Variants in KCNQ3 observed in about 807,000 individuals in gnomAD.
KCNQ3 encodes potassium voltage-gated channel subfamily KQT member 3.
In KCNQ3, 30 loss-of-function variants were observed where a neutral mutation model predicts 92.5. The ratio of observed to expected loss-of-function variants is 0.32; its 90% CI spans 0.24 to 0.44. The LOEUF (loss-of-function observed/expected upper bound fraction) is 0.44. Among genes scored for constraint, KCNQ3 ranks in the 20% least tolerant of loss-of-function variants. The pLI, the probability that KCNQ3 is intolerant of heterozygous loss-of-function variation, is 1.00. For missense variants in KCNQ3, 913 were observed against 1,140.3 expected (o/e 0.80, Z 2.87); for synonymous variants, 450 against 468.8 (o/e 0.96, Z 0.52).
In KCNQ3 at chr8:132,140,171, C is replaced by A. The variant is rs1408741174; in HGVS notation, c.1473G>T (p.Gly491=). The A allele has an allele frequency of 1.2e-6, 2 of 1,613,042 alleles. No homozygotes were observed. Among genetic ancestry groups the A allele is most frequent in the Non-Finnish European group, 1.7e-6 (2 of 1,179,534 alleles). Residue 491 remains glycine (G), a synonymous_variant, in exon 11 of 15, where the codon GGG becomes GGT. Coordinates refer to ENST00000388996, the MANE Select transcript of KCNQ3 (RefSeq NM_004519.4). ...YAFWQSSEDA[G]TGDPMAEDRG... ...TGTCTTCCGCCATGGGGTCACCTGT[C>A]CCGGCATCTGGGAGGGAGACACACA... is the stretch of plus-strand genomic sequence containing the variant.
At chr8:132,282,799 G>T (rs577582426) in intron 1 of KCNQ3, among the ~76,000 whole-genome samples, 1 of 152,340 alleles carries the variant, frequency 6.6e-6, no homozygotes, top group Non-Finnish European at 1.5e-5. Context: ...CCTCTGCTTA[G>T]CAGGGTTGCC....
chr8:132,250,904 T>C (rs1280882118), intron 1 of KCNQ3, among the ~76,000 whole-genome samples: 7 of 152,204 alleles, frequency 4.6e-5, no homozygotes, highest in Non-Finnish European at 1.0e-4. Context: ...GAAGTGCAGT[T>C]CATCAACTCT....
intron 1 of KCNQ3, among the ~76,000 whole-genome samples, chr8:132,191,958 TAAG>T (rs538524117): frequency 2.6e-3 from 394 of 152,224 alleles, no homozygotes; most frequent in Non-Finnish European, 4.6e-3. Flanking sequence ...ACCGCGAAGA[TAAG>T]AAGCTACTTG....
chr8:132,463,557 T>C (rs1587045569), intron 1 of KCNQ3, among the ~76,000 whole-genome samples: 2 of 152,228 alleles, frequency 1.3e-5, no homozygotes. Context: ...TCTAATATGA[T>C]TGCAAAAACT....
Position 132,129,719 on chromosome 8 carries a change from G to A in KCNQ3, c.2162C>T (p.Pro721Leu). The A allele has an allele frequency of 1.2e-6, 2 of 1,614,162 alleles. No homozygotes were observed. Among genetic ancestry groups the A allele is most frequent in the South Asian group, 1.1e-5 (1 of 91,070 alleles). Residue 721 changes from proline to leucine, a missense_variant, in exon 15 of 15, where the codon CCC becomes CTC. Pro to Leu is a moderately conservative substitution (Grantham distance 98). Around this residue, in one of 6 missense-constraint regions of KCNQ3, gnomAD observed 375 missense variants for 376.4 expected, o/e 1.00. Transcript: ENST00000388996. The surrounding 1 kb of genome is among the most constrained non-coding windows in gnomAD (Gnocchi z 5.9). ...CTTTCCAGAACTGGGTCCCCCTCGG[G>A]GCAGGTTCACAGGGTCATGTGCAAA... ...GFFAHDPVNLPRGGPSSGKVQ... is the reference protein window; with the variant it reads ...GFFAHDPVNLLRGGPSSGKVQ...
chr8:132,314,478 C>T (rs1344735043), intron 1 of KCNQ3, among the ~76,000 whole-genome samples: 2 of 152,130 alleles, frequency 1.3e-5, no homozygotes, highest in Admixed American at 1.3e-4. Context: ...TTCTAAAATA[C>T]AACTGAATAT....
chr8:132,213,357 C>A (rs910061059), intron 1 of KCNQ3, among the ~76,000 whole-genome samples: 1 of 152,172 alleles, frequency 6.6e-6, no homozygotes, highest in Non-Finnish European at 1.5e-5. Flanking sequence ...AATTGCTTCC[C>A]CTTTCTTTAC....
chr8:132,245,354 C>G (rs1372060786), intron 1 of KCNQ3, among the ~76,000 whole-genome samples: 1 of 152,168 alleles, frequency 6.6e-6, no homozygotes, highest in African/African-American at 2.4e-5. Flanking sequence ...TTCTGCAAAA[C>G]TCCTATCTAT....
intron 1 of KCNQ3, among the ~76,000 whole-genome samples, chr8:132,199,887 G>A (rs1827407425): frequency 6.7e-6 from 1 of 149,724 alleles, no homozygotes; most frequent in Admixed American, 6.6e-5. Flanking sequence ...TCCAGCCTGG[G>A]TGACAGAGCA....
rs118077481 is a variant in KCNQ3, at chr8:132,318,432, T to G, written c.387-132251A>C. Among the ~76,000 whole-genome samples, 690 of 152,246 alleles carry G rather than the reference T, an allele frequency of 4.5e-3. 9 individuals are homozygous for G. Among genetic ancestry groups the G allele is most frequent in the East Asian group, 0.037 (192 of 5,158 alleles). On this transcript the variant is annotated intron_variant, in intron 1 of 14. Coordinates refer to ENST00000388996, the MANE Select transcript of KCNQ3 (RefSeq NM_004519.4). ...GGGATTCAAACTCTCACAGAGGGAA[T>G]CTGTTTGTAAGACTTTGTGATTAAA...
chr8:132,402,200 C>T (rs943852593), intron 1 of KCNQ3, among the ~76,000 whole-genome samples: 1 of 152,162 alleles, frequency 6.6e-6, no homozygotes, highest in Admixed American at 6.6e-5. Flanking sequence ...TTCCATCTTG[C>T]TCTTATTTCT....
At chr8:132,243,207 A>G (rs1255498474) in intron 1 of KCNQ3, among the ~76,000 whole-genome samples, 2 of 152,248 alleles carry the variant, frequency 1.3e-5, no homozygotes, top group Non-Finnish European at 2.9e-5. Context: ...CAGATGAGCA[A>G]CTGGAGGCTT....
chr8:132,226,374 T>C (rs546541576), intron 1 of KCNQ3, among the ~76,000 whole-genome samples: 23 of 152,022 alleles, frequency 1.5e-4, no homozygotes, highest in African/African-American at 4.1e-4. Context: ...CCCCTGCTGA[T>C]GGAAAAAGGT....
At chr8:132,236,105 G>A (rs918787478) in intron 1 of KCNQ3, among the ~76,000 whole-genome samples, 1 of 152,184 alleles carries the variant, frequency 6.6e-6, no homozygotes, top group Non-Finnish European at 1.5e-5. Context: ...ATACCAGCAT[G>A]GCAGTGGGAC....
intron 1 of KCNQ3, among the ~76,000 whole-genome samples, chr8:132,388,038 AGAG>A (rs200155223): frequency 2.0e-5 from 3 of 151,216 alleles, no homozygotes; most frequent in Non-Finnish European, 3.0e-5. Flanking sequence ...AAGAAGAGGA[AGAG>A]GAAGAAGAAG....
At chr8:132,165,157 C>T (rs1282164307) in intron 8 of KCNQ3, among the ~76,000 whole-genome samples, 1 of 152,208 alleles carries the variant, frequency 6.6e-6, no homozygotes, top group Non-Finnish European at 1.5e-5. Context: ...CTCATTTCCT[C>T]ATCACCCTTC....
At chr8:132,179,957 G>T (rs1193943438) in intron 4 of KCNQ3, among the ~76,000 whole-genome samples, 200 bp downstream of exon 4, 1 of 152,104 alleles carries the variant, frequency 6.6e-6, no homozygotes, top group Non-Finnish European at 1.5e-5. Context: ...ACCTGTTCCT[G>T]CTCCCTGAAC....
At chr8:132,249,879 C>A (rs1436201690) in intron 1 of KCNQ3, among the ~76,000 whole-genome samples, 1 of 152,184 alleles carries the variant, frequency 6.6e-6, no homozygotes, top group Non-Finnish European at 1.5e-5. Context: ...CCAGTGCACC[C>A]TCCGCAGCTC....
At chr8:132,214,038 A>G (rs1451998427) in intron 1 of KCNQ3, among the ~76,000 whole-genome samples, 1 of 152,162 alleles carries the variant, frequency 6.6e-6, no homozygotes, top group Admixed American at 6.5e-5. Flanking sequence ...GTTCATCTTC[A>G]CTATAAAGAT....
Sources: gnomAD v4.1 joint callset for allele counts (sites outside exome capture counted in the v4.1 genomes callset) on GRCh38, gnomAD v4.1.1 for gene constraint, gnomAD v4.1.1 regional missense constraint, Gnocchi (gnomAD v3.1) non-coding constraint, MANE v1.5 for transcripts, NCBI Gene and HGNC (gene_info 2026-07-23, HGNC 2026-07-21) for gene names.